The following JAKMIP2 variants were observed in gnomAD, a reference collection of about 807,000 sequenced individuals.
JAKMIP2 encodes the protein janus kinase and microtubule interacting protein 2, also known as janus kinase and microtubule-interacting protein 2.
A neutral mutation model predicts 115.0 loss-of-function variants in JAKMIP2; 25 were observed. That is an observed-to-expected ratio of 0.22 (90% CI 0.16 to 0.30). The LOEUF (loss-of-function observed/expected upper bound fraction) is 0.30, where lower values mean the gene tolerates loss of function less well. Among genes scored for constraint, JAKMIP2 ranks in the 10% least tolerant of loss-of-function variants. The pLI, the probability that JAKMIP2 is intolerant of heterozygous loss-of-function variation, is 1.00. For missense variants in JAKMIP2, 642 were observed against 957.6 expected (o/e 0.67, Z 4.35); for synonymous variants, 334 against 343.6 (o/e 0.97, Z 0.31).
intron 1 of JAKMIP2, among the ~76,000 whole-genome samples, chr5:147,769,166 T>G (rs1050935071): frequency 4.6e-5 from 7 of 152,112 alleles, no homozygotes; most frequent in Non-Finnish European, 1.0e-4. Context: ...ACTCCTCCTT[T>G]GTACAACTCA....
At chr5:147,664,868 C>G (rs1448786087) in intron 2 of JAKMIP2, among the ~76,000 whole-genome samples, 1 of 151,930 alleles carries the variant, frequency 6.6e-6, no homozygotes, top group Non-Finnish European at 1.5e-5. Context: ...TTATATCTCT[C>G]TGGCTAGGCC....
chr5:147,587,485 G>A lies in JAKMIP2; in HGVS notation c.*4222C>T, dbSNP rs1171309026. ...CCACTCTTTGACAGATTGAAATAAT[G>A]CAATTAAATATTTTAAAAATAAAAT... is the stretch of plus-strand genomic sequence containing the variant. On this transcript the variant is annotated 3_prime_UTR_variant, in exon 22 of 22. Transcript: ENST00000616793. 3 of 151,770 alleles carry A rather than the reference G, an allele frequency of 2.0e-5. No homozygotes were observed. The highest frequency in any genetic ancestry group is 4.4e-5 in the Non-Finnish European group (3 of 67,960). The allele number at this position is 151,770 out of a possible 1,614,324, so 9.4% of individuals were successfully genotyped here.
At chr5:147,664,413 C>T (rs948090876) in intron 2 of JAKMIP2, among the ~76,000 whole-genome samples, 10 of 152,188 alleles carry the variant, frequency 6.6e-5, no homozygotes, top group African/African-American at 2.4e-4. Flanking sequence ...TTCTCCCTCT[C>T]TGTCTCCTCA....
chr5:147,715,369 AG>A (rs1752934837), intron 1 of JAKMIP2, among the ~76,000 whole-genome samples: 3 of 151,790 alleles, frequency 2.0e-5, no homozygotes. Flanking sequence ...TTGGCATACC[AG>A]GAAAAAATAA....
intron 20 of JAKMIP2, among the ~76,000 whole-genome samples, chr5:147,603,955 T>G (rs1434738322): frequency 2.0e-5 from 3 of 152,192 alleles, no homozygotes; most frequent in Non-Finnish European, 4.4e-5. Context: ...GGATGGGGAC[T>G]GAATGGGTAT....
chr5:147,661,316 C>T lies in JAKMIP2; in HGVS notation c.259G>A (p.Ala87Thr). 1 of 1,614,002 alleles carries T rather than the reference C, an allele frequency of 6.2e-7. No homozygotes were observed. The highest frequency in any genetic ancestry group is 8.5e-7 in the Non-Finnish European group (1 of 1,180,012). The change falls in exon 3 of 22, where the codon GCT becomes ACT. Residue 87 changes from alanine (A) to threonine (T), a missense_variant. This residue lies in a region of JAKMIP2 where 439 missense variants were observed against 570.9 expected (regional missense o/e 0.77). Transcript: ENST00000616793. ...LHEEKMKELQ[A>T]VRENLIKQHE... ...TGCTTGATAAGGTTCTCCCTCACAG[C>T]CTGCAGCTCCTTCATCTTCTCCTCA...
At chr5:147,608,023 C>T (rs1206507607) in intron 20 of JAKMIP2, among the ~76,000 whole-genome samples, 1 of 152,012 alleles carries the variant, frequency 6.6e-6, no homozygotes, top group East Asian at 1.9e-4. Flanking sequence ...GGTGATCCCC[C>T]CTTTATCATT....
chr5:147,591,450 A>C lies in JAKMIP2; in HGVS notation c.*257T>G. 1.8e-6 allele frequency: 1 copy of C among 540,700 alleles called. No homozygotes were observed. The highest frequency in any genetic ancestry group is 3.3e-6 in the Non-Finnish European group (1 of 302,694). 33.5% of individuals were successfully genotyped at this position (540,700 alleles called of 1,614,324 possible). A position where few individuals can be genotyped will look rare whatever the true frequency, so the allele number is the denominator to read the frequency against. On this transcript the variant is annotated 3_prime_UTR_variant, in exon 22 of 22. Coordinates refer to ENST00000616793, the MANE Select transcript of JAKMIP2 (RefSeq NM_001270941.2). The stretch of plus-strand genomic sequence containing the variant: ...ATATGTTTATAGTTCTTCTCTTCTG[A>C]TTTGACATATACATGTTTCATTAAA...
chr5:147,685,166 A>C (rs761564013), intron 1 of JAKMIP2, among the ~76,000 whole-genome samples: 3 of 152,216 alleles, frequency 2.0e-5, no homozygotes, highest in Non-Finnish European at 4.4e-5. Flanking sequence ...TTGAGCCTGA[A>C]GCTTCTTAGT....
chr5:147,743,956 C>A (rs1179345307), intron 1 of JAKMIP2, among the ~76,000 whole-genome samples: 1 of 150,962 alleles, frequency 6.6e-6, no homozygotes, highest in Admixed American at 6.6e-5. Flanking sequence ...CTTTCCCCTC[C>A]CTCCCTCCCT....
chr5:147,631,469 G>A lies in JAKMIP2; in HGVS notation c.1819C>T (p.Pro607Ser). ...AGAGCACTCACACCATCTGAGAATGGGTGAATTTGGAGATTAAATGGAGGG... is the reference window on the plus strand; with the variant it reads ...AGAGCACTCACACCATCTGAGAATGAGTGAATTTGGAGATTAAATGGAGGG... ...RSPPFNLQIH[P>S]FSDGVSALQI... The change falls in exon 14 of 22, where the codon CCA becomes TCA. Residue 607 changes from proline (P) to serine (S), a missense_variant. Pro to Ser is a moderately conservative substitution (Grantham distance 74). Coordinates refer to ENST00000616793, the MANE Select transcript of JAKMIP2 (RefSeq NM_001270941.2). 1 of 1,611,778 alleles carries A rather than the reference G, an allele frequency of 6.2e-7. No homozygotes were observed.
chr5:147,601,661 A>C (rs1755707388), intron 21 of JAKMIP2, 80 bp downstream of exon 21: 1 of 842,074 alleles, frequency 1.2e-6, no homozygotes, highest in Non-Finnish European at 1.8e-6. Flanking sequence ...AAACTAAAGA[A>C]AGGCATAGTA....
intron 16 of JAKMIP2, among the ~76,000 whole-genome samples, chr5:147,625,649 T>C (rs56664231): frequency 0.014 from 2,102 of 152,272 alleles, 53 homozygotes; most frequent in African/African-American, 0.049. Context: ...ATCATGAGCA[T>C]TAGATATAGA....
intron 1 of JAKMIP2, among the ~76,000 whole-genome samples, chr5:147,777,094 G>C (rs556419978): frequency 6.6e-6 from 1 of 152,032 alleles, no homozygotes; most frequent in Non-Finnish European, 1.5e-5. Context: ...ACTCAAACAG[G>C]GATTTCACTG....
chr5:147,715,550 G>C (rs1752944815), intron 1 of JAKMIP2, among the ~76,000 whole-genome samples: 1 of 151,174 alleles, frequency 6.6e-6, no homozygotes, highest in East Asian at 1.9e-4. Context: ...AGAAAAAAAA[G>C]ATTTTACTAG....
At position 147,782,635 on chromosome 5, in the gene JAKMIP2, A is replaced by T; in HGVS notation, c.-328T>A. ...TAGGAACCACCCTTCCAGCCCCACT[A>T]GAGTATCAGCAATAGAGGCGGCGGC... On this transcript the variant is annotated 5_prime_UTR_variant, in exon 1 of 22. It removes the in-frame stop codon of an upstream open reading frame in the 5' UTR. Coordinates refer to ENST00000616793, the MANE Select transcript of JAKMIP2 (RefSeq NM_001270941.2). 1 of 703,164 alleles carries T rather than the reference A, an allele frequency of 1.4e-6. No individual in the cohort carries two copies. The highest frequency in any genetic ancestry group is 2.6e-6 in the Non-Finnish European group (1 of 391,498). 43.6% of individuals were successfully genotyped at this position (703,164 alleles called of 1,614,324 possible). A position where few individuals can be genotyped will look rare whatever the true frequency, so the allele number is the denominator to read the frequency against.
chr5:147,720,581 C>A (rs1336488096), intron 1 of JAKMIP2, among the ~76,000 whole-genome samples: 2 of 151,802 alleles, frequency 1.3e-5, no homozygotes, highest in Non-Finnish European at 2.9e-5. Flanking sequence ...CTTCCCTTCT[C>A]ACTTCATTTC....
intron 21 of JAKMIP2, among the ~76,000 whole-genome samples, chr5:147,599,480 G>A (rs1255778943): frequency 4.6e-5 from 7 of 152,000 alleles, no homozygotes; most frequent in Non-Finnish European, 1.0e-4. Context: ...CACATTCATC[G>A]GCTATATTAT....
intron 1 of JAKMIP2, among the ~76,000 whole-genome samples, chr5:147,781,888 A>T (rs1202933017): frequency 6.6e-6 from 1 of 152,228 alleles, no homozygotes; most frequent in Non-Finnish European, 1.5e-5. Context: ...TACATGTGTA[A>T]GTTCACAGTC....
Sources: gnomAD v4.1 joint callset for allele counts (sites outside exome capture counted in the v4.1 genomes callset) on GRCh38, gnomAD v4.1.1 for gene constraint, gnomAD v4.1.1 regional missense constraint, MANE v1.5 for transcripts, NCBI Gene and HGNC (gene_info 2026-07-23, HGNC 2026-07-21) for gene names.